SEMA4A: variants seen among roughly 807,000 people sequenced by gnomAD.
SEMA4A encodes semaphorin 4A.
In SEMA4A, 52 loss-of-function variants were observed where a neutral mutation model predicts 72.5. The ratio of observed to expected loss-of-function variants is 0.72; its 90% CI spans 0.57 to 0.90. The LOEUF is 0.90. Ranked by LOEUF, SEMA4A falls within the 40% of genes least tolerant of loss-of-function variation. SEMA4A has a pLI of 0.00. For synonymous variants in SEMA4A, 369 were observed against 393.1 expected, an observed-to-expected ratio of 0.94 and a Z score of 0.73; for missense variants, 926 against 959.7, an observed-to-expected ratio of 0.96 and a Z score of 0.46.
upstream of SEMA4A, among the ~76,000 whole-genome samples, chr1:156,150,451 G>A (rs541488378): frequency 7.2e-5 from 11 of 152,182 alleles, no homozygotes; most frequent in South Asian, 2.3e-3. Flanking sequence ...GGCAGATGAG[G>A]GCCAGGGCAG....
intron 10 of SEMA4A, 22 bp from the exon 11 acceptor site, chr1:156,172,804 A>C: frequency 6.2e-7 from 1 of 1,612,964 alleles, no homozygotes; most frequent in Non-Finnish European, 8.5e-7. Context: ...AACCAACCTG[A>C]TCTGCCTCCC....
chr1:156,154,495 G>A, intron 1 of SEMA4A, 55 bp from the exon 2 acceptor site: 1 of 1,498,922 alleles, frequency 6.7e-7, no homozygotes, highest in Admixed American at 1.9e-5. Context: ...TGGTCCTCGG[G>A]GGGATGTGGT....
At position 156,158,462 on chromosome 1, in the gene SEMA4A, C is replaced by T. The variant is rs773850994; in HGVS notation, c.438C>T (p.Ala146=). Residue 146 remains alanine (A), a synonymous_variant, in exon 5 of 15, where the codon GCC becomes GCT. Coordinates refer to ENST00000368285, the MANE Select transcript of SEMA4A (RefSeq NM_022367.4). ...ATCTCTACACCTGCGGCACCTTCGC[C>T]TTCAGCCCTGCTTGTACCTTCATTG... is the stretch of plus-strand genomic sequence containing the variant. ...VTHLYTCGTF[A]FSPACTFIEL... 5.6e-6 allele frequency: 9 copies of T among 1,613,788 alleles called. No individual in the cohort carries two copies. Among genetic ancestry groups the T allele is most frequent in the East Asian group, 4.5e-5 (2 of 44,878 alleles).
At chr1:156,149,120 T>A (rs1012346057), upstream of SEMA4A, among the ~76,000 whole-genome samples, 1 of 152,106 alleles carries the variant, frequency 6.6e-6, no homozygotes, top group Non-Finnish European at 1.5e-5. Context: ...CTTTTTCAAC[T>A]CCTCATTTTG....
At chr1:156,170,539 G>T (rs1299899706) in intron 10 of SEMA4A, among the ~76,000 whole-genome samples, 1 of 145,404 alleles carries the variant, frequency 6.9e-6, no homozygotes, top group Non-Finnish European at 1.5e-5. Flanking sequence ...GGCAGATCAT[G>T]AGGTCAGATC....
At position 156,161,003 on chromosome 1, in the gene SEMA4A, A is replaced by G. The variant is rs757071020; in HGVS notation, c.784A>G (p.Thr262Ala). ...GTTTGACTTCTTTGAGAGGCTCCAC[A>G]CATCGCGGGTGGCTAGAGTCTGCAA... ...SEFDFFERLH[T>A]SRVARVCKND... Residue 262 changes from threonine to alanine, a missense_variant, in exon 8 of 15, where the codon ACA becomes GCA. Transcript: ENST00000368285. 4 of 1,582,180 alleles carry G rather than the reference A, an allele frequency of 2.5e-6. No individual in the cohort carries two copies. The highest frequency in any genetic ancestry group is 3.4e-6 in the Non-Finnish European group (4 of 1,162,446).
intron 4 of SEMA4A, 113 bp downstream of exon 4, chr1:156,158,245 TA>T: frequency 7.7e-7 from 1 of 1,305,094 alleles, no homozygotes; most frequent in African/African-American, 1.5e-5. Flanking sequence ...TTTGCACGGT[TA>T]TCTCCTGGAT....
At chr1:156,160,324 G>C (rs1038403839) in intron 6 of SEMA4A, 119 bp from the exon 7 acceptor site, 12 of 812,912 alleles carry the variant, frequency 1.5e-5, no homozygotes, top group Non-Finnish European at 2.6e-5. Context: ...GGAAGGTGCA[G>C]AACTGATGCA....
chr1:156,174,406 A>G (rs1655103644), intron 11 of SEMA4A, among the ~76,000 whole-genome samples: 1 of 152,220 alleles, frequency 6.6e-6, no homozygotes, highest in Non-Finnish European at 1.5e-5. Context: ...TGAGTCACGT[A>G]GAGGTGTGTG....
chr1:156,169,407 CTTTT>C (rs766983966), intron 10 of SEMA4A, among the ~76,000 whole-genome samples: 1 of 85,304 alleles, frequency 1.2e-5, no homozygotes, highest in Non-Finnish European at 2.3e-5. Flanking sequence ...CTTTTCTTTT[CTTTT>C]TTTTTTTTTT....
upstream of SEMA4A, among the ~76,000 whole-genome samples, chr1:156,150,765 C>G (rs977564409): frequency 1.3e-5 from 2 of 152,140 alleles, no homozygotes; most frequent in South Asian, 4.1e-4. Context: ...CTTTCCTCTG[C>G]ACAATAGAAC....
intron 12 of SEMA4A, 57 bp from the exon 13 acceptor site, chr1:156,175,029 G>T (rs958236237): frequency 6.1e-5 from 98 of 1,614,060 alleles, no homozygotes; most frequent in Non-Finnish European, 8.0e-5. Flanking sequence ...GCACCAGCGT[G>T]CTGGGACTTT....
rs765450841 is a variant in SEMA4A, at chr1:156,161,000, C to CA, written c.782dup (p.His261GlnfsTer7). 4.3e-6 allele frequency: 7 copies of CA among 1,611,358 alleles called. No homozygotes were observed. Among genetic ancestry groups the CA allele is most frequent in the Admixed American group, 3.3e-5 (2 of 59,758 alleles). ...CGAGTTTGACTTCTTTGAGAGGCTC[C>CA]ACACATCGCGGGTGGCTAGAGTCTG... On this transcript the variant is annotated frameshift_variant, in exon 8 of 15. Coordinates refer to ENST00000368285, the MANE Select transcript of SEMA4A (RefSeq NM_022367.4). LOFTEE classifies it high-confidence loss of function.
At position 156,162,971 on chromosome 1, in the gene SEMA4A, G is replaced by A. The variant is rs374618030; in HGVS notation, c.1011G>A (p.Ala337=). The A allele has an allele frequency of 1.7e-5, 27 of 1,613,876 alleles. No homozygotes were observed. The highest frequency in any genetic ancestry group is 2.0e-5 in the Non-Finnish European group (24 of 1,180,048). The part of the protein sequence containing the change: ...QWQVGGTRSS[A]VCAFSLLDIE... The stretch of plus-strand genomic sequence containing the variant: ...AGGTTGGCGGGACCAGGAGCTCTGC[G>A]GTTTGTGCCTTCTCTCTCTTGGACA... Residue 337 remains alanine (A), a synonymous_variant, in exon 10 of 15, where the codon GCG becomes GCA. Transcript: ENST00000368285.
rs564353266 is a variant in SEMA4A at position 156,157,751 on chromosome 1, G to A, written c.301-319G>A. 2.5e-4 allele frequency among the ~76,000 whole-genome samples: 38 copies of A among 152,266 alleles called. No homozygotes were observed. Among genetic ancestry groups the A allele is most frequent in the Admixed American group, 2.2e-3 (34 of 15,298 alleles). On this transcript the variant is annotated intron_variant, in intron 3 of 14. Transcript: ENST00000368285. The surrounding 1 kb of genome is among the most constrained non-coding windows in gnomAD (Gnocchi z 4.5). ...TACCATTCATCGTGTTAGGTGTTTT[G>A]TATATGCCACCTGGTTGTATCTGCC...
rs1443924361 is a variant in SEMA4A at position 156,158,157 on chromosome 1, G to A, written c.363+25G>A. On this transcript the variant is annotated intron_variant, in intron 4 of 14. Coordinates refer to ENST00000368285, the MANE Select transcript of SEMA4A (RefSeq NM_022367.4). ...GGTAAGTGGAGGTGGGGGAGTAGGG[G>A]TAGAGTGGGTAGAGAGCTCTGGCAT... is the stretch of plus-strand genomic sequence containing the variant. 4.3e-6 allele frequency: 7 copies of A among 1,611,470 alleles called. No individual in the cohort carries two copies. The East Asian group carries it at 8.9e-5, about 21-fold the overall frequency.
Position 156,177,245 on chromosome 1 carries a change from T to C in SEMA4A, c.*248T>C. The C allele has an allele frequency of 1.7e-6, 1 of 574,382 alleles. No individual in the cohort carries two copies. The highest frequency in any genetic ancestry group is 3.1e-6 in the Non-Finnish European group (1 of 319,814). 35.6% of individuals were successfully genotyped at this position (574,382 alleles called of 1,614,324 possible). On this transcript the variant is annotated 3_prime_UTR_variant, in exon 15 of 15. Transcript: ENST00000368285. ...GGGTGGGGGCTACCCCCAGACCTGC[T>C]CCTACACTGATATTGAAGAACCTGG...
At chr1:156,160,766 T>C in intron 7 of SEMA4A, 139 bp from the exon 8 acceptor site, 4 of 1,286,298 alleles carry the variant, frequency 3.1e-6, no homozygotes, top group Non-Finnish European at 4.5e-6. Context: ...CCACCCCACA[T>C]CGCTACCCCT....
At chr1:156,151,833 C>T (rs528077901), upstream of SEMA4A, among the ~76,000 whole-genome samples, 190 of 109,932 alleles carry the variant, frequency 1.7e-3, 1 homozygote, top group Non-Finnish European at 2.6e-3. Context: ...AGCAACACTT[C>T]GTCTCAAAAA....
Sources: allele counts gnomAD v4.1 joint callset (sites outside exome capture counted in the v4.1 genomes callset), GRCh38; gene constraint gnomAD v4.1.1; non-coding constraint Gnocchi (gnomAD v3.1); transcripts MANE v1.5; gene names NCBI Gene and HGNC (gene_info 2026-07-23, HGNC 2026-07-21).